PDHX: variants seen among roughly 807,000 people sequenced by gnomAD.
The protein encoded by PDHX is pyruvate dehydrogenase complex component X.
Under a neutral mutation model 55.3 loss-of-function variants are expected in PDHX, and 33 were observed. The observed-to-expected ratio is 0.60, with a 90% CI of 0.45 to 0.80. The LOEUF (loss-of-function observed/expected upper bound fraction) is 0.80, where lower values mean the gene tolerates loss of function less well. Ranked by LOEUF, PDHX falls within the 30% of genes least tolerant of loss-of-function variation. The pLI is 0.00. For missense variants in PDHX, 622 were observed against 619.9 expected, an observed-to-expected ratio of 1.00 and a Z score of -0.04; for synonymous variants, 226 against 219.4, an observed-to-expected ratio of 1.03 and a Z score of -0.27.
chr11:34,943,527 G>A (rs1179191694), intron 2 of PDHX, among the ~76,000 whole-genome samples: 1 of 152,150 alleles, frequency 6.6e-6, no homozygotes, highest in Non-Finnish European at 1.5e-5. Flanking sequence ...CTTTGAGGGT[G>A]TGCTTTTTTT....
rs372916727 is a variant in PDHX, at chr11:34,952,245, A to G, written c.342+4639A>G. Among the ~76,000 whole-genome samples the G allele has an allele frequency of 8.8e-4, 134 of 151,928 alleles. 1 individual carries two copies. The highest frequency in any genetic ancestry group is 3.0e-3 in the African/African-American group (126 of 41,428). ...TCCAGGACCAGATGGATTCACAGCC[A>G]AATTCTACCAGAGGTACAAGGAGGA... On this transcript the variant is annotated intron_variant, in intron 3 of 10. Coordinates refer to ENST00000227868, the MANE Select transcript of PDHX (RefSeq NM_003477.3).
At chr11:34,927,014 T>TA (rs59592572) in intron 1 of PDHX, among the ~76,000 whole-genome samples, 28,672 of 151,940 alleles carry the variant, frequency 0.19, 3,854 homozygotes, top group African/African-American at 0.39. Context: ...TCTGTTGATG[T>TA]AAAAAAAGAG....
intron 1 of PDHX, among the ~76,000 whole-genome samples, chr11:34,928,412 C>T (rs1191210797): frequency 6.7e-6 from 1 of 150,274 alleles, no homozygotes; most frequent in African/African-American, 2.4e-5. Context: ...AGAGGCTGGC[C>T]TCTTACCGTG....
At chr11:34,969,032 G>A (rs1449220649) in intron 6 of PDHX, among the ~76,000 whole-genome samples, 5 of 152,076 alleles carry the variant, frequency 3.3e-5, no homozygotes, top group Non-Finnish European at 5.9e-5. Flanking sequence ...GGGCAGTAGC[G>A]GCTAGCCACA....
intron 9 of PDHX, among the ~76,000 whole-genome samples, chr11:34,987,745 T>TGTGA (rs1245567168): frequency 5.3e-5 from 8 of 151,432 alleles, no homozygotes; most frequent in Non-Finnish European, 1.0e-4. Flanking sequence ...TGTGTGTGTG[T>TGTGA]GTGTATGTGT....
chr11:34,988,466 A>G (rs1855696468), intron 9 of PDHX, among the ~76,000 whole-genome samples: 1 of 151,790 alleles, frequency 6.6e-6, no homozygotes, highest in African/African-American at 2.4e-5. Context: ...CCAACCACTC[A>G]GCTTTGCTGC....
intron 3 of PDHX, among the ~76,000 whole-genome samples, chr11:34,947,952 T>C (rs1854662916): frequency 6.6e-6 from 1 of 152,244 alleles, no homozygotes; most frequent in Non-Finnish European, 1.5e-5. Context: ...CGTGTTTGTT[T>C]CTTAACTTCC....
intron 2 of PDHX, among the ~76,000 whole-genome samples, chr11:34,939,332 C>G (rs1182560472): frequency 6.6e-6 from 1 of 152,046 alleles, no homozygotes. Context: ...AGTGTTGCAT[C>G]GAATTATGAA....
chr11:34,986,409 A>C (rs1024240321), intron 9 of PDHX, among the ~76,000 whole-genome samples: 5 of 151,982 alleles, frequency 3.3e-5, no homozygotes, highest in African/African-American at 1.2e-4. Flanking sequence ...CCTTGTGTTT[A>C]TCAAGGGTTT....
intron 1 of PDHX, 132 bp downstream of exon 1, chr11:34,916,947 G>T: frequency 3.2e-6 from 3 of 945,914 alleles, no homozygotes; most frequent in Non-Finnish European, 4.9e-6. Flanking sequence ...CTCTTTCTCC[G>T]GTTGGGGTCC....
intron 10 of PDHX, among the ~76,000 whole-genome samples, chr11:34,994,496 G>A (rs1855818152): frequency 6.6e-6 from 1 of 152,094 alleles, no homozygotes. Context: ...TGCACACTTA[G>A]GCTACACTAA....
chr11:34,984,576 C>G lies in PDHX; in HGVS notation c.1030C>G (p.Pro344Ala). Reference protein sequence around the residue: ...KAAAVTLKQMPDVNVSWDGEG... With the variant: ...KAAAVTLKQMADVNVSWDGEG... ...TTTCTTTTTCTATTTCTAGCAAATG[C>G]CAGATGTTAATGTAAGCTGGGATGG... The change falls in exon 9 of 11, where the codon CCA becomes GCA. Residue 344 changes from proline to alanine, a missense_variant. Physicochemically the swap from Pro to Ala is conservative, Grantham distance 27 (BLOSUM62 -1). Transcript: ENST00000227868. 6.2e-7 allele frequency: 1 copy of G among 1,613,766 alleles called. No individual in the cohort carries two copies. The highest frequency in any genetic ancestry group is 2.2e-5 in the East Asian group (1 of 44,842).
intron 1 of PDHX, among the ~76,000 whole-genome samples, chr11:34,927,098 A>G (rs1169731184): frequency 6.6e-6 from 1 of 152,148 alleles, no homozygotes. Flanking sequence ...GACCACATAC[A>G]TTACAATAGT....
chr11:34,979,959 C>T (rs970225123), intron 8 of PDHX, among the ~76,000 whole-genome samples: 3 of 150,394 alleles, frequency 2.0e-5, no homozygotes, highest in East Asian at 1.9e-4. Flanking sequence ...TAGAATTCAC[C>T]AGTAAAAATA....
intron 1 of PDHX, among the ~76,000 whole-genome samples, chr11:34,919,380 A>G (rs1853818580): frequency 6.6e-6 from 1 of 152,248 alleles, no homozygotes; most frequent in South Asian, 2.1e-4. Flanking sequence ...TAAATTAAGT[A>G]CATTTATTGA....
chr11:34,931,607 T>G, intron 2 of PDHX, 123 bp downstream of exon 2: 1 of 662,650 alleles, frequency 1.5e-6, no homozygotes, highest in South Asian at 1.7e-5. Flanking sequence ...TTGTGTTCCT[T>G]TGGTAGTTAA....
chr11:34,943,142 A>C (rs1854529678), intron 2 of PDHX, among the ~76,000 whole-genome samples: 1 of 152,218 alleles, frequency 6.6e-6, no homozygotes, highest in African/African-American at 2.4e-5. Flanking sequence ...GGAATATAAA[A>C]CATTTAAGTG....
intron 4 of PDHX, 29 bp downstream of exon 4, chr11:34,957,612 G>GT (rs1854935030): frequency 6.5e-7 from 1 of 1,544,092 alleles, no homozygotes; most frequent in Non-Finnish European, 8.9e-7. Flanking sequence ...AAAGGATGAT[G>GT]TAAAAAAAAA....
chr11:34,919,340 AAAC>A (rs1853817551), intron 1 of PDHX, among the ~76,000 whole-genome samples: 1 of 152,254 alleles, frequency 6.6e-6, no homozygotes, highest in Admixed American at 6.5e-5. Flanking sequence ...TTATAAAACT[AAAC>A]AACTATTTGG....
Sources: allele counts gnomAD v4.1 joint callset (sites outside exome capture counted in the v4.1 genomes callset), GRCh38; gene constraint gnomAD v4.1.1; transcripts MANE v1.5; gene names NCBI Gene and HGNC (gene_info 2026-07-23, HGNC 2026-07-21).